The following ZNF462 variants were observed in gnomAD, a reference collection of about 807,000 sequenced individuals.
The protein encoded by ZNF462 is zinc finger PBX1-interacting protein.
ZNF462 carries 10 observed loss-of-function variants against 201.9 expected under a neutral mutation model. The ratio of observed to expected loss-of-function variants is 0.05; its 90% confidence interval spans 0.03 to 0.08. The LOEUF is 0.08. ZNF462 is among the 10% of genes least tolerant of loss of function. The pLI, the probability that ZNF462 is intolerant of heterozygous loss-of-function variation, is 1.00. For missense variants in ZNF462, 2,523 were observed against 3,168.3 expected (o/e 0.80, Z 4.89); for synonymous variants, 1,227 against 1,193.3 (o/e 1.03, Z -0.58).
intron 7 of ZNF462, among the ~76,000 whole-genome samples, chr9:106,965,071 G>A (rs1832008806): frequency 6.6e-6 from 1 of 152,086 alleles, no homozygotes; most frequent in South Asian, 2.1e-4. Context: ...GTATGTATTG[G>A]CAAAGCATAG....
At chr9:106,884,644 T>G (rs1828242257) in intron 1 of ZNF462, among the ~76,000 whole-genome samples, 1 of 152,234 alleles carries the variant, frequency 6.6e-6, no homozygotes, top group African/African-American at 2.4e-5. Flanking sequence ...ATTAATATAT[T>G]TGGCAGAAAC....
chr9:106,984,226 G>A lies in ZNF462; in HGVS notation c.6873G>A (p.Leu2291=). The A allele has an allele frequency of 6.2e-7, 1 of 1,614,068 alleles. No individual in the cohort carries two copies. The highest frequency in any genetic ancestry group is 1.1e-5 in the South Asian group (1 of 91,072). Residue 2291 remains leucine, a synonymous_variant, in exon 10 of 13, where the codon CTG becomes CTA. Transcript: ENST00000277225. This position sits in a 1 kb window ranked among gnomAD's most constrained non-coding sequence, Gnocchi z 6.4. ...VVPIEVCRSK[L]SKYLQGVVFR... is the part of the protein sequence containing the mutation. ...CCATTGAAGTTTGCCGGTCCAAACT[G>A]TCCAAATACTTGCAGGGAGTAGTTT...
rs1831926810 is a variant in ZNF462 at position 106,963,362 on chromosome 9, TAAC to T, written c.6428-8640_6428-8638del. 6.6e-5 allele frequency among the ~76,000 whole-genome samples: 10 copies of T among 152,222 alleles called. No individual in the cohort carries two copies. The South Asian group carries it at 2.1e-3, about 32-fold the overall frequency. On this transcript the variant is annotated intron_variant, in intron 7 of 12. Coordinates refer to ENST00000277225, the MANE Select transcript of ZNF462 (RefSeq NM_021224.6). The surrounding 1 kb of genome is among the most constrained non-coding windows in gnomAD (Gnocchi z 4.7). Reference sequence around the variant, plus strand: ...AAAACAATATATATGTATCTGGACTTAACAAAGTTGTCCACAAGTTTAATCCAG... The same window carrying T: ...AAAACAATATATATGTATCTGGACTTAAAGTTGTCCACAAGTTTAATCCAG...
chr9:106,915,743 A>G (rs1185324173), intron 1 of ZNF462, among the ~76,000 whole-genome samples: 1 of 152,206 alleles, frequency 6.6e-6, no homozygotes, highest in African/African-American at 2.4e-5. Context: ...GAAAGCATTT[A>G]CGGTCTATAT....
At position 106,885,557 on chromosome 9, in the gene ZNF462, C is replaced by T. The variant is rs1440576353; in HGVS notation, c.-31+22202C>T. The stretch of plus-strand genomic sequence containing the variant: ...TACCTACTAGGTTCCTAATGCTTAC[C>T]CAAGTTAAGAGGTTGAAGTGCCTCC... On this transcript the variant is annotated intron_variant, in intron 1 of 12. Coordinates refer to ENST00000277225, the MANE Select transcript of ZNF462 (RefSeq NM_021224.6). This position sits in a 1 kb window ranked among gnomAD's most constrained non-coding sequence, Gnocchi z 4.1. Among the ~76,000 whole-genome samples, 1 of 152,070 alleles carries T rather than the reference C, an allele frequency of 6.6e-6. No homozygotes were observed. Among genetic ancestry groups the T allele is most frequent in the African/African-American group, 2.4e-5 (1 of 41,392 alleles).
chr9:106,976,169 G>A (rs1826988539), intron 9 of ZNF462: 1 of 152,184 alleles, frequency 6.6e-6, no homozygotes, highest in Non-Finnish European at 1.5e-5. Context: ...CTAGTGGAAA[G>A]TTCACCTCTA....
At chr9:106,861,376 G>T (rs1433688106), upstream of ZNF462, among the ~76,000 whole-genome samples, 12 of 152,230 alleles carry the variant, frequency 7.9e-5, no homozygotes, top group East Asian at 9.7e-4. Flanking sequence ...ACTGTTGCTT[G>T]GGGGGAGGGA....
At chr9:106,992,408 A>G (rs1828357806) in intron 10 of ZNF462, among the ~76,000 whole-genome samples, 1 of 152,146 alleles carries the variant, frequency 6.6e-6, no homozygotes, top group South Asian at 2.1e-4. Context: ...AATGTAAAAT[A>G]CCATAGCCAC....
chr9:106,975,262 C>T (rs1213841907), intron 9 of ZNF462: 1 of 152,124 alleles, frequency 6.6e-6, no homozygotes, highest in Non-Finnish European at 1.5e-5. Flanking sequence ...CGCCTCTGAC[C>T]TTAGAAAGCC....
At chr9:106,887,642 C>G (rs1414512711) in intron 1 of ZNF462, among the ~76,000 whole-genome samples, 2 of 152,180 alleles carry the variant, frequency 1.3e-5, no homozygotes, top group African/African-American at 4.8e-5. Context: ...ATCTTGAAAG[C>G]TAAACCCACA....
intron 1 of ZNF462, among the ~76,000 whole-genome samples, chr9:106,915,864 C>A (rs1227682011): frequency 6.6e-6 from 1 of 152,156 alleles, no homozygotes; most frequent in Non-Finnish European, 1.5e-5. Context: ...ACAGGCAGAT[C>A]CAGGTGCCAG....
chr9:106,893,825 C>T (rs1828695287), intron 1 of ZNF462, among the ~76,000 whole-genome samples: 1 of 152,194 alleles, frequency 6.6e-6, no homozygotes, highest in Admixed American at 6.5e-5. Flanking sequence ...AAGTAACTTG[C>T]ACACTTGTAC....
At position 106,873,751 on chromosome 9, in the gene ZNF462, T is replaced by A. The variant is rs1827703934; in HGVS notation, c.-31+10396T>A. 3.3e-5 allele frequency among the ~76,000 whole-genome samples: 5 copies of A among 152,308 alleles called. No individual in the cohort carries two copies. The South Asian group carries it at 1.0e-3, about 32-fold the overall frequency. On this transcript the variant is annotated intron_variant, in intron 1 of 12. Coordinates refer to ENST00000277225, the MANE Select transcript of ZNF462 (RefSeq NM_021224.6). ...GGAAGTTCATGGATGAGCACAAATG[T>A]CCCTAATAGAGTGACACACTGTGCT...
At chr9:106,892,997 C>A (rs1375206209) in intron 1 of ZNF462, among the ~76,000 whole-genome samples, 1 of 152,130 alleles carries the variant, frequency 6.6e-6, no homozygotes, top group African/African-American at 2.4e-5. Flanking sequence ...AACAAGAGCC[C>A]CCTTCTATAT....
At chr9:106,948,532 A>T (rs191793842) in intron 7 of ZNF462, among the ~76,000 whole-genome samples, 3 of 152,336 alleles carry the variant, frequency 2.0e-5, no homozygotes, top group Non-Finnish European at 4.4e-5. Flanking sequence ...ATGGCAATAC[A>T]TAATAAAATG....
chr9:106,987,699 G>A (rs2132331882), intron 10 of ZNF462, among the ~76,000 whole-genome samples: 1 of 152,242 alleles, frequency 6.6e-6, no homozygotes, highest in East Asian at 1.9e-4. Context: ...TGTATTTATT[G>A]CATTTGGTTT....
At chr9:106,912,396 A>G (rs1829589171) in intron 1 of ZNF462, among the ~76,000 whole-genome samples, 1 of 149,028 alleles carries the variant, frequency 6.7e-6, no homozygotes, top group Non-Finnish European at 1.5e-5. Context: ...TGAATAGTCA[A>G]TCTGCAAAAA....
upstream of ZNF462, among the ~76,000 whole-genome samples, chr9:106,862,634 GC>G (rs1376190494): frequency 1.3e-5 from 2 of 151,316 alleles, no homozygotes; most frequent in Admixed American, 6.6e-5. The surrounding 1 kb of genome is among the most constrained non-coding windows in gnomAD (Gnocchi z 4.2). Context: ...TCCTCCTCTT[GC>G]ATCTCACTGG....
chr9:106,980,443 T>C (rs951430710), intron 9 of ZNF462, among the ~76,000 whole-genome samples: 4 of 152,234 alleles, frequency 2.6e-5, no homozygotes, highest in African/African-American at 7.2e-5. Flanking sequence ...AACCCACCTA[T>C]GTTGTGGTGT....
Sources: gnomAD v4.1 joint callset for allele counts (sites outside exome capture counted in the v4.1 genomes callset) on GRCh38, gnomAD v4.1.1 for gene constraint, Gnocchi (gnomAD v3.1) non-coding constraint, MANE v1.5 for transcripts, NCBI Gene and HGNC (gene_info 2026-07-23, HGNC 2026-07-21) for gene names.